The following TEX2 variants were observed in gnomAD, a reference collection of about 807,000 sequenced individuals.
TEX2 encodes the protein testis expressed 2, also known as testis-expressed protein 2.
Under a neutral mutation model 106.9 loss-of-function variants are expected in TEX2, and 53 were observed. The observed-to-expected ratio is 0.50, with a 90% CI of 0.40 to 0.62. The LOEUF (loss-of-function observed/expected upper bound fraction) is 0.62. Among genes scored for constraint, TEX2 ranks in the 20% least tolerant of loss-of-function variants. TEX2 has a pLI of 0.00. For synonymous variants in TEX2, 523 were observed against 534.8 expected (o/e 0.98, Z 0.30); for missense variants, 1,207 against 1,379.0 (o/e 0.88, Z 1.98).
chr17:64,261,895 T>C lies in TEX2; in HGVS notation c.-26+1273A>G, dbSNP rs375710957. Among the ~76,000 whole-genome samples, 102 of 152,324 alleles carry C rather than the reference T, an allele frequency of 6.7e-4. 1 individual carries two copies. The East Asian group carries it at 0.015, about 22-fold the overall frequency. On this transcript the variant is annotated intron_variant, in intron 1 of 11. Coordinates refer to ENST00000584379, the MANE Select transcript of TEX2 (RefSeq NM_001288732.2). The stretch of plus-strand genomic sequence containing the variant: ...AAATGGCAGTTTCATTCTTCCAATA[T>C]GAGACAAGCGTCTCTGTGTGACCCA...
intron 3 of TEX2, 28 bp from the exon 4 acceptor site, chr17:64,193,917 T>C: frequency 1.4e-6 from 2 of 1,472,896 alleles, no homozygotes; most frequent in Non-Finnish European, 1.8e-6. Flanking sequence ...TGATGATTTA[T>C]ATATTAAAGA....
chr17:64,153,218 G>A lies in TEX2; in HGVS notation c.2931-64C>T. 5 of 1,121,456 alleles carry A rather than the reference G, an allele frequency of 4.5e-6. No homozygotes were observed. Among genetic ancestry groups the A allele is most frequent in the Non-Finnish European group, 6.6e-6 (5 of 762,208 alleles). The allele number at this position is 1,121,456 out of a possible 1,614,324, so 69.5% of individuals were successfully genotyped here. ...TTGCTCTTTTCACAGACAAAAACCTGTGGCTCTTCGTTCCCCTTACTTTAG... is the reference window on the plus strand; with the variant it reads ...TTGCTCTTTTCACAGACAAAAACCTATGGCTCTTCGTTCCCCTTACTTTAG... On this transcript the variant is annotated intron_variant, in intron 9 of 11. Transcript: ENST00000584379. The surrounding 1 kb of genome is among the most constrained non-coding windows in gnomAD (Gnocchi z 4.1).
In TEX2 at chr17:64,153,102, T is replaced by A; in HGVS notation, c.2983A>T (p.Thr995Ser). Residue 995 changes from threonine (T) to serine (S), a missense_variant, in exon 10 of 12, where the codon ACC (threonine) becomes TCC (serine). Thr to Ser is a moderately conservative substitution (Grantham distance 58). Transcript: ENST00000584379. The surrounding 1 kb of genome is among the most constrained non-coding windows in gnomAD (Gnocchi z 4.1). ...GCTTTTTGGAAATATTTTGACTTGG[T>A]AATTTTATCAACAAACCTCATAATC... Reference protein sequence around the residue: ...SKIMRFVDKITKSKYFQKATE... With the variant: ...SKIMRFVDKISKSKYFQKATE... 1 of 1,614,182 alleles carries A rather than the reference T, an allele frequency of 6.2e-7. No individual in the cohort carries two copies. The highest frequency in any genetic ancestry group is 8.5e-7 in the Non-Finnish European group (1 of 1,180,002).
chr17:64,167,581 G>A, intron 7 of TEX2, among the ~76,000 whole-genome samples: 1 of 152,162 alleles, frequency 6.6e-6, no homozygotes, highest in East Asian at 1.9e-4. Flanking sequence ...CACTTTGAGA[G>A]GCTGAGGTGG....
In TEX2 at chr17:64,171,281, A is replaced by G. The variant is rs899483677; in HGVS notation, c.2572-82T>C. 9 of 1,204,848 alleles carry G rather than the reference A, an allele frequency of 7.5e-6. No homozygotes were observed. In the African/African-American group the frequency reaches 1.0e-4, roughly 14 times the overall value. The allele number at this position is 1,204,848 out of a possible 1,614,324, so 74.6% of individuals were successfully genotyped here. A position where few individuals can be genotyped will look rare whatever the true frequency, so the allele number is the denominator to read the frequency against. On this transcript the variant is annotated intron_variant, in intron 6 of 11. Coordinates refer to ENST00000584379, the MANE Select transcript of TEX2 (RefSeq NM_001288732.2). ...GTTGCAAGTCAACATGCTTCCGGAGAGGATGGTGGCCAAGGTTTTGGGGAC... is the reference window on the plus strand; with the variant it reads ...GTTGCAAGTCAACATGCTTCCGGAGGGGATGGTGGCCAAGGTTTTGGGGAC...
rs58313195 is a variant in TEX2 at position 64,210,634 on chromosome 17, C to CTTTTTTTTTTTTTTTTTT, written c.1644+1922_1644+1939dup. 8.0e-4 allele frequency among the ~76,000 whole-genome samples: 60 copies of CTTTTTTTTTTTTTTTTTT among 74,756 alleles called. 2 individuals carry two copies. Among genetic ancestry groups the CTTTTTTTTTTTTTTTTTT allele is most frequent in the Non-Finnish European group, 1.1e-3 (47 of 41,030 alleles). 49.0% of individuals were successfully genotyped at this position (74,756 alleles called of 152,430 possible). ...TAAAAGAATTCTCCCCAACCCCCAG[C>CTTTTTTTTTTTTTTTTTT]TTTTTTTTTTTTTTTTTTTTTTTTT... On this transcript the variant is annotated intron_variant, in intron 2 of 11. Coordinates refer to ENST00000584379, the MANE Select transcript of TEX2 (RefSeq NM_001288732.2).
At chr17:64,158,549 T>C (rs1043918700) in intron 8 of TEX2, among the ~76,000 whole-genome samples, 7 of 152,194 alleles carry the variant, frequency 4.6e-5, no homozygotes, top group Non-Finnish European at 8.8e-5. Flanking sequence ...AAACAGCTAA[T>C]AAGTATGCTG....
At chr17:64,177,763 C>G (rs1358453553) in intron 5 of TEX2, among the ~76,000 whole-genome samples, 1 of 152,200 alleles carries the variant, frequency 6.6e-6, no homozygotes, top group South Asian at 2.1e-4. Flanking sequence ...TGCTCTGCGT[C>G]CAAATTAGCT....
intron 1 of TEX2, among the ~76,000 whole-genome samples, chr17:64,260,775 C>T (rs138550363): frequency 1.3e-5 from 2 of 152,174 alleles, no homozygotes; most frequent in Admixed American, 6.5e-5. Flanking sequence ...CCCAAGGAGA[C>T]CTTCAGGAGA....
At chr17:64,254,182 C>T (rs1406255131) in intron 1 of TEX2, among the ~76,000 whole-genome samples, 1 of 152,190 alleles carries the variant, frequency 6.6e-6, no homozygotes, top group Non-Finnish European at 1.5e-5. Flanking sequence ...ATATTCTGAG[C>T]CCCAGGAGAC....
chr17:64,181,484 A>T (rs2031860140), intron 5 of TEX2, among the ~76,000 whole-genome samples: 1 of 150,256 alleles, frequency 6.7e-6, no homozygotes, highest in South Asian at 2.1e-4. Context: ...AAAAAAAAAA[A>T]AAAAAAAAAA....
intron 1 of TEX2, among the ~76,000 whole-genome samples, chr17:64,252,263 T>G (rs2034107299): frequency 1.3e-5 from 2 of 152,140 alleles, no homozygotes; most frequent in Admixed American, 6.5e-5. Flanking sequence ...GTGAACTCTT[T>G]CCCCCCATTT....
In TEX2 at chr17:64,213,615, T is replaced by G. The variant is rs1253524227; in HGVS notation, c.603A>C (p.Pro201=). The G allele has an allele frequency of 6.2e-7, 1 of 1,614,106 alleles. No homozygotes were observed. Among genetic ancestry groups the G allele is most frequent in the Non-Finnish European group, 8.5e-7 (1 of 1,179,990 alleles). ...LVKSLSTEVE[P]KESPHPARHR... The stretch of plus-strand genomic sequence containing the variant: ...GCCTTGCGGGGTGTGGGGATTCTTT[T>G]GGCTCCACCTCGGTCGACAGGGACT... The change falls in exon 2 of 12, where the codon CCA becomes CCC. Residue 201 remains proline, a synonymous_variant. Transcript: ENST00000584379. The surrounding 1 kb of genome is among the most constrained non-coding windows in gnomAD (Gnocchi z 4.4).
chr17:64,206,914 G>C (rs1206240506), intron 2 of TEX2, among the ~76,000 whole-genome samples: 1 of 152,130 alleles, frequency 6.6e-6, no homozygotes, highest in Non-Finnish European at 1.5e-5. Flanking sequence ...AATGGGTTCA[G>C]AGCGGGAGAC....
chr17:64,212,878 T>C lies in TEX2; in HGVS notation c.1340A>G (p.Glu447Gly), dbSNP rs1567945219. 2.5e-6 allele frequency: 4 copies of C among 1,614,152 alleles called. No homozygotes were observed. The highest frequency in any genetic ancestry group is 3.4e-6 in the Non-Finnish European group (4 of 1,180,034). ...DKLSDIPLKP[E>G]VLAEDGVVLD... ...GACCACACCATCTTCCGCGAGCACC[T>C]CTGGCTTGAGAGGAATATCTGAGAG... Residue 447 changes from glutamate to glycine, a missense_variant, in exon 2 of 12, where the codon GAG becomes GGG. Around this residue, in one of 3 missense-constraint regions of TEX2, gnomAD observed 1,067 missense variants for 1,193.6 expected, o/e 0.89. Transcript: ENST00000584379.
intron 1 of TEX2, among the ~76,000 whole-genome samples, chr17:64,221,166 A>G (rs1262834568): frequency 6.6e-6 from 1 of 152,182 alleles, no homozygotes; most frequent in African/African-American, 2.4e-5. Context: ...ACACTTGGAC[A>G]CAGAGAAGGG....
intron 5 of TEX2, among the ~76,000 whole-genome samples, chr17:64,180,152 G>A (rs1348503149): frequency 6.6e-6 from 1 of 152,170 alleles, no homozygotes; most frequent in Non-Finnish European, 1.5e-5. Context: ...TGGCCCCTCA[G>A]ACAGTACTAA....
rs532092756 is a variant in TEX2, at chr17:64,251,452, T to G, written c.-26+11716A>C. ...TGCAGTCTCCCAGAAAACGCATCAC[T>G]CTAGTCTTCACAAAACATCTTCTCT... On this transcript the variant is annotated intron_variant, in intron 1 of 11. Coordinates refer to ENST00000584379, the MANE Select transcript of TEX2 (RefSeq NM_001288732.2). 2.6e-5 allele frequency among the ~76,000 whole-genome samples: 4 copies of G among 152,352 alleles called. No individual in the cohort carries two copies. In the South Asian group the frequency reaches 6.2e-4, roughly 24 times the overall value.
intron 1 of TEX2, among the ~76,000 whole-genome samples, chr17:64,252,575 C>T (rs1194172723): frequency 6.6e-6 from 1 of 152,120 alleles, no homozygotes; most frequent in African/African-American, 2.4e-5. Flanking sequence ...CCTAGCCTCC[C>T]AAAGTGCTGG....
Sources: allele counts gnomAD v4.1 joint callset (sites outside exome capture counted in the v4.1 genomes callset), GRCh38; gene constraint gnomAD v4.1.1; regional missense constraint gnomAD v4.1.1; non-coding constraint Gnocchi (gnomAD v3.1); transcripts MANE v1.5; gene names NCBI Gene and HGNC (gene_info 2026-07-23, HGNC 2026-07-21).